The following NAV2 variants were observed in gnomAD, a reference collection of about 807,000 sequenced individuals.
NAV2 encodes helicase, APC down-regulated 1.
NAV2 carries 54 observed loss-of-function variants against 223.2 expected under a neutral mutation model. The ratio of observed to expected loss-of-function variants is 0.24; its 90% CI spans 0.19 to 0.30. NAV2 has a LOEUF of 0.30. NAV2 is among the 10% of genes least tolerant of loss of function. The pLI, the probability that NAV2 is intolerant of heterozygous loss-of-function variation, is 1.00. For missense variants in NAV2, 2,806 were observed against 3,147.5 expected, an observed-to-expected ratio of 0.89 and a Z score of 2.60; for synonymous variants, 1,279 against 1,239.3, an observed-to-expected ratio of 1.03 and a Z score of -0.67.
Position 19,939,747 on chromosome 11 carries a change from G to A in NAV2, c.2120G>A (p.Gly707Glu). Residue 707 changes from glycine to glutamate, a missense_variant, in exon 8 of 38, where the codon GGA becomes GAA. This residue lies in a region of NAV2 where 1,167 missense variants were observed against 1,180.5 expected (regional missense o/e 0.99). Transcript: ENST00000349880. ...SVEPSHFTKT[G>E]QPALEELTGE... ...GAGCCCAGCCACTTCACCAAGACTG[G>A]ACAGCCTGCTCTGGAAGAACTCACT... The A allele has an allele frequency of 6.2e-7, 1 of 1,614,110 alleles. No homozygotes were observed. Among genetic ancestry groups the A allele is most frequent in the African/African-American group, 1.3e-5 (1 of 75,058 alleles).
At chr11:20,039,195 A>G (rs557280500) in intron 12 of NAV2, among the ~76,000 whole-genome samples, 46 of 152,294 alleles carry the variant, frequency 3.0e-4, no homozygotes, top group African/African-American at 9.1e-4. Context: ...AAGCCACATG[A>G]TCTTGAGTTG....
intron 1 of NAV2, among the ~76,000 whole-genome samples, chr11:19,778,882 A>G (rs1266387261): frequency 1.3e-5 from 2 of 152,216 alleles, no homozygotes; most frequent in African/African-American, 4.8e-5. Flanking sequence ...TCTAACAGGC[A>G]GCATAGGAAA....
intron 1 of NAV2, among the ~76,000 whole-genome samples, chr11:19,600,769 T>C (rs970077874): frequency 3.3e-5 from 5 of 152,194 alleles, no homozygotes; most frequent in African/African-American, 4.8e-5. Flanking sequence ...AGTAGGCATA[T>C]ACTAGGTGTT....
chr11:19,919,633 A>G (rs2044104384), intron 6 of NAV2, among the ~76,000 whole-genome samples: 1 of 152,244 alleles, frequency 6.6e-6, no homozygotes, highest in Non-Finnish European at 1.5e-5. Flanking sequence ...ACCTGGTCCC[A>G]TCTTGCTTAT....
At chr11:19,368,002 C>T (rs554355578) in intron 1 of NAV2, among the ~76,000 whole-genome samples, 140 of 152,258 alleles carry the variant, frequency 9.2e-4, no homozygotes, top group Admixed American at 1.5e-3. Context: ...ACATGGCTCC[C>T]GTGTCATTCA....
chr11:20,027,176 A>T (rs2055171916), intron 11 of NAV2: 1 of 755,998 alleles, frequency 1.3e-6, no homozygotes. Flanking sequence ...CTGGGGAGGA[A>T]ATAGTTAACA....
rs769299220 is a variant in NAV2, at chr11:19,412,373, T to C, written c.75+61346T>C. 6.8e-4 allele frequency among the ~76,000 whole-genome samples: 103 copies of C among 152,006 alleles called. 1 individual carries two copies. The highest frequency in any genetic ancestry group is 3.4e-3 in the Middle Eastern group (1 of 294). The stretch of plus-strand genomic sequence containing the variant: ...GCTGTAGCCAGACTGCCTCTCTAGA[T>C]TCCTCCTCTCTGGGCAGGGCATCTC... On this transcript the variant is annotated intron_variant, in intron 1 of 37. Coordinates refer to the NAV2 transcript ENST00000360655.
intron 4 of NAV2, among the ~76,000 whole-genome samples, chr11:19,878,322 T>G (rs1260924098): frequency 1.3e-5 from 2 of 152,194 alleles, no homozygotes; most frequent in Non-Finnish European, 2.9e-5. Flanking sequence ...GGGGCTATAG[T>G]CATATAATAA....
In NAV2 at chr11:20,120,243, A is replaced by C. The variant is rs2063403941; in HGVS notation, c.*1985A>C. 6.6e-6 allele frequency: 1 copy of C among 152,216 alleles called. No homozygotes were observed. The highest frequency in any genetic ancestry group is 1.5e-5 in the Non-Finnish European group (1 of 68,038). 9.4% of individuals were successfully genotyped at this position (152,216 alleles called of 1,614,324 possible). ...TCTTCCTCTTTGAAAAGAAAAGGGG[A>C]ATGTGTCCCACTAGTGAAAGGAAAA... On this transcript the variant is annotated 3_prime_UTR_variant, in exon 38 of 38. Transcript: ENST00000349880.
At chr11:19,403,672 A>C (rs1178034403) in intron 1 of NAV2, among the ~76,000 whole-genome samples, 2 of 152,232 alleles carry the variant, frequency 1.3e-5, no homozygotes, top group African/African-American at 4.8e-5. Context: ...GATAGTGCAG[A>C]GAACAAAACG....
In NAV2 at chr11:19,474,847, G is replaced by C. The variant is rs2042068947; in HGVS notation, c.75+123820G>C. 2.0e-5 allele frequency among the ~76,000 whole-genome samples: 3 copies of C among 152,290 alleles called. No individual in the cohort carries two copies. The South Asian group carries it at 6.2e-4, about 32-fold the overall frequency. On this transcript the variant is annotated intron_variant, in intron 1 of 37. Transcript: ENST00000360655. The stretch of plus-strand genomic sequence containing the variant: ...CTTGAGACCTCAGGCAAATCACTCT[G>C]CCTCTCTACACCTCAGTTTCCCCAT...
intron 1 of NAV2, among the ~76,000 whole-genome samples, chr11:19,821,441 T>C (rs1184623176): frequency 6.6e-6 from 1 of 152,136 alleles, no homozygotes; most frequent in African/African-American, 2.4e-5. Context: ...GGAGGTGCTG[T>C]GTACACCCAC....
chr11:19,840,144 A>C (rs1031015190), intron 2 of NAV2, among the ~76,000 whole-genome samples: 11 of 152,194 alleles, frequency 7.2e-5, no homozygotes, highest in African/African-American at 2.7e-4. Context: ...CTCATTTTGT[A>C]ATTTTATTAA....
intron 26 of NAV2, among the ~76,000 whole-genome samples, chr11:20,084,243 G>A (rs61344662): frequency 0.065 from 9,876 of 152,208 alleles, 775 homozygotes; most frequent in African/African-American, 0.18. Flanking sequence ...GACTACAGGC[G>A]CATGCCACCA....
At chr11:19,651,075 AC>A (rs1378070450) in intron 1 of NAV2, among the ~76,000 whole-genome samples, 1 of 152,178 alleles carries the variant, frequency 6.6e-6, no homozygotes, top group Non-Finnish European at 1.5e-5. Flanking sequence ...GCCCTTAGTC[AC>A]ACAGCTCTGA....
At chr11:19,836,437 G>T (rs371629288) in intron 2 of NAV2, among the ~76,000 whole-genome samples, 12 of 151,866 alleles carry the variant, frequency 7.9e-5, no homozygotes, top group Non-Finnish European at 1.8e-4. Context: ...GGCGCCTGTA[G>T]TCCCAGCTGC....
At chr11:20,050,005 CT>C in intron 16 of NAV2, 104 bp downstream of exon 16, 1 of 1,042,658 alleles carries the variant, frequency 9.6e-7, no homozygotes, top group African/African-American at 1.6e-5. Flanking sequence ...AAGCCACCTG[CT>C]TGTGTTTGTG....
upstream of NAV2, among the ~76,000 whole-genome samples, chr11:19,708,999 G>A (rs951759399): frequency 5.3e-5 from 8 of 151,724 alleles, no homozygotes; most frequent in Admixed American, 4.6e-4. Context: ...AGTGACTTGC[G>A]TTAGCCTCCA....
At chr11:19,370,383 C>T (rs1239722421) in intron 1 of NAV2, among the ~76,000 whole-genome samples, 1 of 152,228 alleles carries the variant, frequency 6.6e-6, no homozygotes, top group Admixed American at 6.5e-5. Flanking sequence ...GCAAGTTTTT[C>T]TCAAATTCCA....
Sources: gnomAD v4.1 joint callset for allele counts (sites outside exome capture counted in the v4.1 genomes callset) on GRCh38, gnomAD v4.1.1 for gene constraint, gnomAD v4.1.1 regional missense constraint, MANE v1.5 for transcripts, NCBI Gene and HGNC (gene_info 2026-07-23, HGNC 2026-07-21) for gene names.